Variants in GTF2E2 observed in about 807,000 individuals in gnomAD.
The protein encoded by GTF2E2 is transcription initiation factor IIE subunit beta.
A neutral mutation model predicts 40.5 loss-of-function variants in GTF2E2; 21 were observed. That is an observed-to-expected ratio of 0.52 (90% CI 0.37 to 0.75). The LOEUF is 0.75. GTF2E2 is among the 30% of genes least tolerant of loss of function. The pLI, the probability that GTF2E2 is intolerant of heterozygous loss-of-function variation, is 0.00. For missense variants in GTF2E2, 298 were observed against 338.4 expected, an observed-to-expected ratio of 0.88 and a Z score of 0.94; for synonymous variants, 117 against 121.6, an observed-to-expected ratio of 0.96 and a Z score of 0.25.
intron 3 of GTF2E2, among the ~76,000 whole-genome samples, chr8:30,627,124 C>T (rs1318344498): frequency 6.6e-6 from 1 of 152,140 alleles, no homozygotes; most frequent in Non-Finnish European, 1.5e-5. Flanking sequence ...TGAAAAGGCT[C>T]CACTCTCAAA....
At chr8:30,581,346 C>A (rs1210230202) in intron 6 of GTF2E2, among the ~76,000 whole-genome samples, 1 of 152,180 alleles carries the variant, frequency 6.6e-6, no homozygotes, top group African/African-American at 2.4e-5. Flanking sequence ...TTCCCACGGT[C>A]CGTTTACAAA....
chr8:30,644,792 C>A (rs569426947), intron 2 of GTF2E2, among the ~76,000 whole-genome samples: 1 of 150,398 alleles, frequency 6.6e-6, no homozygotes, highest in East Asian at 1.9e-4. Context: ...TTCCCATTGT[C>A]CAGGCTAGAA....
At chr8:30,621,293 C>G (rs1400402349) in intron 3 of GTF2E2, among the ~76,000 whole-genome samples, 1 of 151,916 alleles carries the variant, frequency 6.6e-6, no homozygotes, top group Non-Finnish European at 1.5e-5. Context: ...TTATTGGAAT[C>G]AGAAAAAAAT....
At chr8:30,648,256 T>A (rs1319368350) in intron 2 of GTF2E2, among the ~76,000 whole-genome samples, 1 of 152,146 alleles carries the variant, frequency 6.6e-6, no homozygotes, top group Non-Finnish European at 1.5e-5. Flanking sequence ...ATACCACACC[T>A]AAGAGATAAT....
chr8:30,593,632 G>C (rs568627377), intron 6 of GTF2E2, among the ~76,000 whole-genome samples: 1 of 152,078 alleles, frequency 6.6e-6, no homozygotes, highest in African/African-American at 2.4e-5. Context: ...AGCACTACGA[G>C]ACTACAGGTG....
At position 30,645,270 on chromosome 8, in the gene GTF2E2, C is replaced by T. The variant is rs1022336702; in HGVS notation, c.166+8163G>A. ...TTTGCTACATAAATTCATTTTCTAC[C>T]TTTTTTATAGATTCAAAAGAGCAAG... is the stretch of plus-strand genomic sequence containing the variant. On this transcript the variant is annotated intron_variant, in intron 2 of 7. Transcript: ENST00000355904. The T allele has an allele frequency of 1.0e-5, 15 of 1,500,190 alleles. 1 individual carries two copies. The African/African-American group carries it at 1.7e-4, about 17-fold the overall frequency. The allele number at this position is 1,500,190 out of a possible 1,614,324, so 92.9% of individuals were successfully genotyped here. A position where few individuals can be genotyped will look rare whatever the true frequency, so the allele number is the denominator to read the frequency against.
At chr8:30,656,204 G>A (rs1802444104) in intron 1 of GTF2E2, among the ~76,000 whole-genome samples, 1 of 152,178 alleles carries the variant, frequency 6.6e-6, no homozygotes, top group South Asian at 2.1e-4. Flanking sequence ...TATGAAAGCT[G>A]TCCACATCCA....
At chr8:30,649,516 A>C (rs568526762) in intron 2 of GTF2E2, among the ~76,000 whole-genome samples, 6 of 152,328 alleles carry the variant, frequency 3.9e-5, no homozygotes, top group Non-Finnish European at 7.3e-5. Flanking sequence ...ACTCATCAAG[A>C]AAAAAGGGAG....
At chr8:30,608,084 G>GCAAAGACAAGAAAACTGAC (rs1235123038) in intron 5 of GTF2E2, among the ~76,000 whole-genome samples, 1 of 152,148 alleles carries the variant, frequency 6.6e-6, no homozygotes, top group Non-Finnish European at 1.5e-5. Context: ...ACCCTTGAGA[G>GCAAAGACAAGAAAACTGAC]CAAAGACAAG....
intron 3 of GTF2E2, among the ~76,000 whole-genome samples, chr8:30,633,092 A>G (rs1801488870): frequency 6.6e-6 from 1 of 152,292 alleles, no homozygotes; most frequent in Admixed American, 6.5e-5. Flanking sequence ...ACTGTGCACC[A>G]ATAATTGTAA....
In GTF2E2 at chr8:30,653,516, G is replaced by T; in HGVS notation, c.83C>A (p.Ser28Tyr). ...STPVVEKRSA[S>Y]SESSSSSSKK... ...TGACGATGATGATGATGACTCAGAA[G>T]ATGCTGAACGTTTTTCTACTACAGG... Residue 28 changes from serine to tyrosine, a missense_variant, in exon 2 of 8, where the codon TCT (serine) becomes TAT (tyrosine). Transcript: ENST00000355904. 1 of 1,613,168 alleles carries T rather than the reference G, an allele frequency of 6.2e-7. No homozygotes were observed. Among genetic ancestry groups the T allele is most frequent in the Non-Finnish European group, 8.5e-7 (1 of 1,179,178 alleles).
intron 2 of GTF2E2, among the ~76,000 whole-genome samples, chr8:30,641,495 C>T (rs920005300): frequency 1.3e-5 from 2 of 152,006 alleles, no homozygotes; most frequent in African/African-American, 2.4e-5. Context: ...CCCAAGTAGC[C>T]GAGACTACAG....
intron 1 of GTF2E2, among the ~76,000 whole-genome samples, chr8:30,654,103 AAAAG>A (rs1463899816): frequency 6.6e-6 from 1 of 151,258 alleles, no homozygotes; most frequent in Non-Finnish European, 1.5e-5. Context: ...AAAAAAAAAA[AAAAG>A]AAAGAAAGAA....
intron 6 of GTF2E2, among the ~76,000 whole-genome samples, chr8:30,586,107 G>A (rs1828674868): frequency 6.6e-6 from 1 of 152,176 alleles, no homozygotes; most frequent in Non-Finnish European, 1.5e-5. Context: ...ACCAAATGCA[G>A]AATCTCAACG....
chr8:30,622,434 A>G (rs2979490), intron 3 of GTF2E2, among the ~76,000 whole-genome samples: 122,594 of 151,662 alleles, frequency 0.81, 50,393 homozygotes, highest in African/African-American at 0.93. Flanking sequence ...GCTTCACAAG[A>G]TAATAGAGTA....
At chr8:30,632,417 G>T (rs1398315524) in intron 3 of GTF2E2, among the ~76,000 whole-genome samples, 5 of 152,106 alleles carry the variant, frequency 3.3e-5, no homozygotes, top group African/African-American at 1.2e-4. Flanking sequence ...AAGCAAGTTT[G>T]TTATGGCTAG....
chr8:30,645,616 C>T, intron 2 of GTF2E2: 1 of 1,513,528 alleles, frequency 6.6e-7, no homozygotes, highest in Non-Finnish European at 8.8e-7. Context: ...AGAAGATGAA[C>T]AAAATCTCTG....
chr8:30,626,433 C>A (rs1801276318), intron 3 of GTF2E2, among the ~76,000 whole-genome samples: 1 of 152,062 alleles, frequency 6.6e-6, no homozygotes, highest in Admixed American at 6.6e-5. Flanking sequence ...TGCAGTGAGC[C>A]GAGATCACGC....
intron 2 of GTF2E2, among the ~76,000 whole-genome samples, chr8:30,643,246 T>C (rs1008264159): frequency 2.0e-5 from 3 of 152,180 alleles, no homozygotes; most frequent in African/African-American, 4.8e-5. Flanking sequence ...TTGGGAGATA[T>C]ATATTGAAAT....
Sources: allele counts gnomAD v4.1 joint callset (sites outside exome capture counted in the v4.1 genomes callset), GRCh38; gene constraint gnomAD v4.1.1; transcripts MANE v1.5; gene names NCBI Gene and HGNC (gene_info 2026-07-23, HGNC 2026-07-21).